The following CDC37 variants were observed in gnomAD, a reference collection of about 807,000 sequenced individuals.
CDC37 encodes the protein cell division cycle 37, HSP90 cochaperone, also known as hsp90 co-chaperone Cdc37.
In CDC37, 9 loss-of-function variants were observed where a neutral mutation model predicts 46.9. That is an observed-to-expected ratio of 0.19 (90% CI 0.12 to 0.33). The LOEUF is 0.33. Ranked by LOEUF, CDC37 falls within the 10% of genes least tolerant of loss-of-function variation. The pLI, the probability that CDC37 is intolerant of heterozygous loss-of-function variation, is 1.00. For synonymous variants in CDC37, 193 were observed against 191.0 expected (o/e 1.01, Z -0.09); for missense variants, 388 against 514.6 (o/e 0.75, Z 2.38).
intron 1 of CDC37, among the ~76,000 whole-genome samples, chr19:10,402,238 G>A (rs1032385862): frequency 6.6e-6 from 1 of 151,680 alleles, no homozygotes; most frequent in African/African-American, 2.4e-5. Context: ...GGTAGCAGGA[G>A]GTTAAACCTT....
chr19:10,396,469 C>T lies in CDC37; in HGVS notation c.103-266G>A, dbSNP rs1335322369. 6.6e-6 allele frequency among the ~76,000 whole-genome samples: 1 copy of T among 152,194 alleles called. No homozygotes were observed. The highest frequency in any genetic ancestry group is 2.4e-5 in the African/African-American group (1 of 41,444). On this transcript the variant is annotated intron_variant, in intron 1 of 7. Transcript: ENST00000222005. This position sits in a 1 kb window ranked among gnomAD's most constrained non-coding sequence, Gnocchi z 5.9. ...CACCACAGCCTACATGGGCCCTACA[C>T]AATCTGCCTCGGCACCTCCCCTGGT...
Position 10,391,606 on chromosome 19 carries a change from T to A in CDC37, c.1082A>T (p.Asp361Val). Residue 361 changes from aspartate to valine, a missense_variant, in exon 8 of 8, where the codon GAC becomes GTC. Physicochemically the swap from Asp to Val is radical, Grantham distance 152 (BLOSUM62 -3). Coordinates refer to ENST00000222005, the MANE Select transcript of CDC37 (RefSeq NM_007065.4). Reference protein sequence around the residue: ...AKEGEEAGPGDPLLEAVPKTG... With the variant: ...AKEGEEAGPGVPLLEAVPKTG... The stretch of plus-strand genomic sequence containing the variant: ...CTTGGGAACAGCTTCCAGTAATGGG[T>A]CCCCAGGACCTGCCTCCTCTCCCTC... The A allele has an allele frequency of 6.2e-7, 1 of 1,614,124 alleles. No individual in the cohort carries two copies. Among genetic ancestry groups the A allele is most frequent in the Non-Finnish European group, 8.5e-7 (1 of 1,180,026 alleles).
rs144104609 is a variant in CDC37, at chr19:10,392,352, C to T, written c.982-646G>A. Among the ~76,000 whole-genome samples the T allele has an allele frequency of 1.2e-4, 18 of 152,238 alleles. No individual in the cohort carries two copies. In the South Asian group the frequency reaches 1.7e-3, roughly 14 times the overall value. Reference sequence around the variant, plus strand: ...AGACAGGCAGTGAGTCTGGGAGCTGCGGTTTGCAGAACCTGGTCTAGATGG... The same window carrying T: ...AGACAGGCAGTGAGTCTGGGAGCTGTGGTTTGCAGAACCTGGTCTAGATGG... On this transcript the variant is annotated intron_variant, in intron 7 of 7. Transcript: ENST00000222005.
intron 2 of CDC37, 132 bp from the exon 3 acceptor site, chr19:10,395,675 T>A: frequency 3.5e-6 from 3 of 866,980 alleles, no homozygotes; most frequent in Non-Finnish European, 5.7e-6. Context: ...AGCATCAAGG[T>A]GGCGGGAGCG....
chr19:10,400,612 A>G (rs1033749816), intron 1 of CDC37: 2 of 152,052 alleles, frequency 1.3e-5, no homozygotes, highest in Non-Finnish European at 2.9e-5. Context: ...AAGTAGGAGG[A>G]TCACTTGAGC....
rs762148614 is a variant in CDC37 at position 10,395,715 on chromosome 19, A to AG, written c.379-173dup. The AG allele has an allele frequency of 6.6e-6, 5 of 753,648 alleles. 1 individual carries two copies. The highest frequency in any genetic ancestry group is 1.1e-5 in the Non-Finnish European group (5 of 454,304). 46.7% of individuals were successfully genotyped at this position (753,648 alleles called of 1,614,324 possible). A position where few individuals can be genotyped will look rare whatever the true frequency, so the allele number is the denominator to read the frequency against. On this transcript the variant is annotated intron_variant, in intron 2 of 7. Coordinates refer to ENST00000222005, the MANE Select transcript of CDC37 (RefSeq NM_007065.4). The stretch of plus-strand genomic sequence containing the variant: ...CATGGGCCTTGGGGCAGATCAGAGG[A>AG]GGGGACCGGTGGGGTGTTTCATCCG...
chr19:10,395,871 TG>T, intron 2 of CDC37, 56 bp downstream of exon 2: 2 of 1,568,776 alleles, frequency 1.3e-6, no homozygotes, highest in Non-Finnish European at 1.7e-6. Context: ...GCATGCGTCC[TG>T]GTTGCAGGCT....
chr19:10,395,830 C>A, intron 2 of CDC37, 98 bp downstream of exon 2: 1 of 1,397,316 alleles, frequency 7.2e-7, no homozygotes, highest in Non-Finnish European at 9.9e-7. Context: ...ACTACACCAC[C>A]GGGGTCCTCC....
intron 2 of CDC37, 38 bp from the exon 3 acceptor site, chr19:10,395,581 G>A (rs1275672302): frequency 6.6e-7 from 1 of 1,511,692 alleles, no homozygotes; most frequent in Non-Finnish European, 9.2e-7. Context: ...CTGGGGCAAG[G>A]CTGCGGAGCG....
chr19:10,402,474 G>T (rs1298704942), intron 1 of CDC37, among the ~76,000 whole-genome samples: 2 of 152,130 alleles, frequency 1.3e-5, no homozygotes, highest in East Asian at 3.9e-4. Context: ...GTGGGTTTGG[G>T]GTTCTGGGCT....
At chr19:10,402,965 A>G (rs549293694) in intron 1 of CDC37, among the ~76,000 whole-genome samples, 2 of 152,192 alleles carry the variant, frequency 1.3e-5, no homozygotes, top group South Asian at 4.1e-4. Context: ...TGGGGGGGCG[A>G]TGGGAGATCC....
In CDC37 at chr19:10,395,101, T is replaced by A; in HGVS notation, c.646A>T (p.Met216Leu). 1 of 1,574,220 alleles carries A rather than the reference T, an allele frequency of 6.4e-7. No individual in the cohort carries two copies. Among genetic ancestry groups the A allele is most frequent in the Non-Finnish European group, 8.6e-7 (1 of 1,157,220 alleles). ...TTGGCCAGCTCCAGGATAAATTGCA[T>A]GACGATTGTCTGGTGGGCCACCTGC... Reference protein sequence around the residue: ...MEQVAHQTIVMQFILELAKSL... With the variant: ...MEQVAHQTIVLQFILELAKSL... Residue 216 changes from methionine (M) to leucine (L), a missense_variant, in exon 5 of 8, where the codon ATG (methionine) becomes TTG (leucine). Met to Leu is a conservative substitution (Grantham distance 15, BLOSUM62 2). This residue lies in a region of CDC37 where 374 missense variants were observed against 467.4 expected (regional missense o/e 0.80). Transcript: ENST00000222005.
chr19:10,403,215 C>G (rs1479000765), intron 1 of CDC37, among the ~76,000 whole-genome samples, 163 bp downstream of exon 1: 2 of 151,756 alleles, frequency 1.3e-5, no homozygotes, highest in Admixed American at 1.3e-4. Flanking sequence ...ACTCAGGGTC[C>G]CAATGGTACT....
chr19:10,391,292 T>C lies in CDC37; in HGVS notation c.*259A>G. ...TAGACCAGCCTGGTGACCTCTGCCCTTCCCCGGACCCCCGGGCCTTTGGCA... is the reference window on the plus strand; with the variant it reads ...TAGACCAGCCTGGTGACCTCTGCCCCTCCCCGGACCCCCGGGCCTTTGGCA... On this transcript the variant is annotated 3_prime_UTR_variant, in exon 8 of 8. Transcript: ENST00000222005. The C allele has an allele frequency of 2.0e-6, 1 of 501,158 alleles. No individual in the cohort carries two copies. Among genetic ancestry groups the C allele is most frequent in the Non-Finnish European group, 3.6e-6 (1 of 277,854 alleles). The allele number at this position is 501,158 out of a possible 1,614,324, so 31.0% of individuals were successfully genotyped here. A position where few individuals can be genotyped will look rare whatever the true frequency, so the allele number is the denominator to read the frequency against.
intron 1 of CDC37, among the ~76,000 whole-genome samples, chr19:10,400,845 T>A (rs1420997670): frequency 6.6e-6 from 1 of 151,886 alleles, no homozygotes; most frequent in Admixed American, 6.6e-5. Flanking sequence ...TTTTTTTTTT[T>A]AACCATGAAC....
chr19:10,394,772 T>G (rs1599380221), intron 5 of CDC37, among the ~76,000 whole-genome samples: 1 of 151,828 alleles, frequency 6.6e-6, no homozygotes, highest in African/African-American at 2.4e-5. Context: ...CCTCAGGTGA[T>G]CTGCCCACCT....
rs759991798 is a variant in CDC37 at position 10,393,135 on chromosome 19, A to G, written c.932T>C (p.Val311Ala). The part of the protein sequence containing the change: ...LPEELQKCFD[V>A]KDVQMLQDAI... ...GTCCTGCAGCATCTGCACGTCCTTCACATCGAAGCACTTCTGGAGTTCCTG... is the reference window on the plus strand; with the variant it reads ...GTCCTGCAGCATCTGCACGTCCTTCGCATCGAAGCACTTCTGGAGTTCCTG... The change falls in exon 7 of 8, where the codon GTG (valine) becomes GCG (alanine). Residue 311 changes from valine to alanine, a missense_variant. This residue lies in a region of CDC37 where 374 missense variants were observed against 467.4 expected (regional missense o/e 0.80). Transcript: ENST00000222005. This position sits in a 1 kb window ranked among gnomAD's most constrained non-coding sequence, Gnocchi z 4.9. The G allele has an allele frequency of 8.1e-6, 13 of 1,613,888 alleles. No homozygotes were observed. The highest frequency in any genetic ancestry group is 1.1e-5 in the Non-Finnish European group (13 of 1,180,002).
intron 7 of CDC37, 125 bp downstream of exon 7, chr19:10,392,961 C>A (rs1206674314): frequency 6.3e-6 from 5 of 790,620 alleles, no homozygotes; most frequent in East Asian, 2.5e-5. Context: ...GGTGACACGA[C>A]CCCCCTTACT....
chr19:10,397,244 T>G (rs1046177355), intron 1 of CDC37, among the ~76,000 whole-genome samples: 15 of 150,350 alleles, frequency 1.0e-4, no homozygotes, highest in Non-Finnish European at 1.8e-4. Flanking sequence ...AAATGCTTGT[T>G]TTTTTTTTTG....
Sources: gnomAD v4.1 joint callset for allele counts (sites outside exome capture counted in the v4.1 genomes callset) on GRCh38, gnomAD v4.1.1 for gene constraint, gnomAD v4.1.1 regional missense constraint, Gnocchi (gnomAD v3.1) non-coding constraint, MANE v1.5 for transcripts, NCBI Gene and HGNC (gene_info 2026-07-23, HGNC 2026-07-21) for gene names.